Variants in PCDH9 observed in about 807,000 individuals in gnomAD.
PCDH9 encodes the protein protocadherin-9.
Under a neutral mutation model 70.6 loss-of-function variants are expected in PCDH9, and 24 were observed. The ratio of observed to expected loss-of-function variants is 0.34; its 90% CI spans 0.25 to 0.48. PCDH9 has a LOEUF of 0.48. PCDH9 is among the 20% of genes least tolerant of loss of function. The pLI is 0.99. For synonymous variants in PCDH9, 562 were observed against 558.5 expected, an observed-to-expected ratio of 1.01 and a Z score of -0.09; for missense variants, 1,281 against 1,503.6, an observed-to-expected ratio of 0.85 and a Z score of 2.45.
At chr13:67,026,535 T>C (rs2084785419) in intron 2 of PCDH9, among the ~76,000 whole-genome samples, 1 of 152,022 alleles carries the variant, frequency 6.6e-6, no homozygotes, top group Non-Finnish European at 1.5e-5. Context: ...ACCACTCCTA[T>C]TCAACATAGT....
intron 2 of PCDH9, among the ~76,000 whole-genome samples, chr13:67,011,890 C>T (rs769500323): frequency 6.6e-6 from 1 of 151,830 alleles, no homozygotes; most frequent in Non-Finnish European, 1.5e-5. Flanking sequence ...TAATGAAGCA[C>T]CTATTTTGAA....
intron 3 of PCDH9, among the ~76,000 whole-genome samples, chr13:66,801,099 T>C (rs1354151145): frequency 6.6e-6 from 1 of 151,564 alleles, no homozygotes; most frequent in Non-Finnish European, 1.5e-5. Flanking sequence ...GATGTAGGTC[T>C]GTATATATCC....
At chr13:66,652,845 C>A (rs2077872214) in intron 3 of PCDH9, among the ~76,000 whole-genome samples, 1 of 151,952 alleles carries the variant, frequency 6.6e-6, no homozygotes, top group Non-Finnish European at 1.5e-5. Flanking sequence ...ATCCATACAT[C>A]CACAGTGAAC....
chr13:66,936,972 A>G (rs2082925683), intron 2 of PCDH9, among the ~76,000 whole-genome samples: 1 of 152,226 alleles, frequency 6.6e-6, no homozygotes, highest in African/African-American at 2.4e-5. Context: ...CATAATTTGG[A>G]AAGGCAGAAG....
intron 3 of PCDH9, among the ~76,000 whole-genome samples, chr13:66,760,743 T>C (rs943683769): frequency 6.6e-6 from 1 of 152,118 alleles, no homozygotes; most frequent in Non-Finnish European, 1.5e-5. Context: ...CAAAAGCGAA[T>C]AGGAGAAATA....
chr13:67,179,747 G>T (rs2088565906), intron 2 of PCDH9, among the ~76,000 whole-genome samples: 1 of 152,014 alleles, frequency 6.6e-6, no homozygotes, highest in Admixed American at 6.6e-5. Flanking sequence ...ATTTTGGAGA[G>T]AAATTATTTA....
intron 3 of PCDH9, among the ~76,000 whole-genome samples, chr13:66,667,239 G>T (rs914636108): frequency 1.3e-5 from 2 of 152,110 alleles, no homozygotes; most frequent in Admixed American, 6.6e-5. Context: ...AGGAGAGAGG[G>T]ATGGAAAGAA....
intron 2 of PCDH9, among the ~76,000 whole-genome samples, chr13:67,012,800 G>A (rs2139843674): frequency 6.6e-6 from 1 of 152,034 alleles, no homozygotes; most frequent in South Asian, 2.1e-4. Flanking sequence ...AACGATTAAA[G>A]AGTCACACTG....
intron 4 of PCDH9, among the ~76,000 whole-genome samples, chr13:66,547,036 A>G (rs564796280): frequency 1.3e-5 from 2 of 152,292 alleles, no homozygotes; most frequent in Admixed American, 6.5e-5. Context: ...CTAAGGACAC[A>G]TTTTTTAGAA....
intron 2 of PCDH9, among the ~76,000 whole-genome samples, chr13:67,132,240 G>T (rs924659917): frequency 6.6e-6 from 1 of 152,136 alleles, no homozygotes; most frequent in South Asian, 2.1e-4. Context: ...ATTTCTTCCC[G>T]ATTAGCAGTT....
At chr13:66,810,720 A>T (rs995786593) in intron 3 of PCDH9, among the ~76,000 whole-genome samples, 1 of 151,942 alleles carries the variant, frequency 6.6e-6, no homozygotes, top group Non-Finnish European at 1.5e-5. Context: ...CCAGAGATGT[A>T]AAGAATCTTA....
chr13:67,053,603 C>A (rs2085363313), intron 2 of PCDH9, among the ~76,000 whole-genome samples: 1 of 152,094 alleles, frequency 6.6e-6, no homozygotes, highest in Non-Finnish European at 1.5e-5. Flanking sequence ...TGACTTTATG[C>A]TGAATTAATC....
chr13:67,034,709 T>G (rs918573967), intron 2 of PCDH9, among the ~76,000 whole-genome samples: 3 of 151,808 alleles, frequency 2.0e-5, no homozygotes, highest in African/African-American at 7.3e-5. Flanking sequence ...CAGGGGTATA[T>G]GTACAGGTTT....
intron 3 of PCDH9, among the ~76,000 whole-genome samples, chr13:66,893,222 G>A (rs369429343): frequency 5.3e-5 from 8 of 152,032 alleles, no homozygotes; most frequent in Non-Finnish European, 8.8e-5. Context: ...CATTTAGTCC[G>A]GACAAATAAT....
chr13:66,541,614 A>G (rs531841328), intron 4 of PCDH9, among the ~76,000 whole-genome samples: 1 of 152,184 alleles, frequency 6.6e-6, no homozygotes, highest in Admixed American at 6.6e-5. Context: ...CACATAGTGT[A>G]CTTCTCTCCG....
At chr13:66,847,020 G>A (rs1019817589) in intron 3 of PCDH9, among the ~76,000 whole-genome samples, 9 of 151,698 alleles carry the variant, frequency 5.9e-5, no homozygotes, top group Admixed American at 3.3e-4. Context: ...TTCTGATCAG[G>A]TAAATAAATA....
chr13:66,703,255 C>T (rs770525843), intron 3 of PCDH9, among the ~76,000 whole-genome samples: 4 of 152,168 alleles, frequency 2.6e-5, no homozygotes, highest in Non-Finnish European at 4.4e-5. Context: ...AACACCTACA[C>T]TTAAGCCAAA....
chr13:66,434,653 A>T (rs535650906), intron 4 of PCDH9, among the ~76,000 whole-genome samples: 1 of 152,116 alleles, frequency 6.6e-6, no homozygotes, highest in South Asian at 2.1e-4. Flanking sequence ...AATCCTATGG[A>T]CTTAAAATAT....
chr13:66,349,089 G>A (rs577461968), intron 4 of PCDH9, among the ~76,000 whole-genome samples: 169 of 152,216 alleles, frequency 1.1e-3, no homozygotes, highest in African/African-American at 3.9e-3. Context: ...CTGCAGTGGT[G>A]CAATTCTGAA....
Sources: gnomAD v4.1 joint callset for allele counts (sites outside exome capture counted in the v4.1 genomes callset) on GRCh38, gnomAD v4.1.1 for gene constraint, MANE v1.5 for transcripts, NCBI Gene and HGNC (gene_info 2026-07-23, HGNC 2026-07-21) for gene names.